The following MDN1 variants were observed in gnomAD, a reference collection of about 807,000 sequenced individuals.
The protein encoded by MDN1 is midasin.
In MDN1, 266 loss-of-function variants were observed where a neutral mutation model predicts 669.2. The ratio of observed to expected loss-of-function variants is 0.40; its 90% CI spans 0.36 to 0.44. The LOEUF (loss-of-function observed/expected upper bound fraction) is 0.44, where lower values mean the gene tolerates loss of function less well. Ranked by LOEUF, MDN1 falls within the 20% of genes least tolerant of loss-of-function variation. The probability of loss-of-function intolerance (pLI) is 1.00; values close to 1 mark genes in which losing one functional copy is unlikely to be tolerated. For synonymous variants in MDN1, 2,385 were observed against 2,457.1 expected, an observed-to-expected ratio of 0.97 and a Z score of 0.87; for missense variants, 5,940 against 6,754.0, an observed-to-expected ratio of 0.88 and a Z score of 4.22.
intron 1 of MDN1, among the ~76,000 whole-genome samples, chr6:89,805,940 C>CA (rs990690170): frequency 4.7e-5 from 7 of 149,858 alleles, no homozygotes. Context: ...CTAAAGATAC[C>CA]TTTTTTTTTT....
intron 88 of MDN1, among the ~76,000 whole-genome samples, chr6:89,659,210 C>A (rs1415810009): frequency 6.6e-6 from 1 of 152,064 alleles, no homozygotes; most frequent in Non-Finnish European, 1.5e-5. Flanking sequence ...CCATCTTTTA[C>A]AAAAAATAAA....
At chr6:89,811,787 A>C (rs2128331759) in intron 1 of MDN1, among the ~76,000 whole-genome samples, 1 of 152,080 alleles carries the variant, frequency 6.6e-6, no homozygotes, top group South Asian at 2.1e-4. Context: ...TAACATTCTT[A>C]GGAAATCCTG....
At position 89,674,546 on chromosome 6, in the gene MDN1, C is replaced by A. The variant is rs1811055428; in HGVS notation, c.12805G>T (p.Gly4269Trp). ...CVQEIHSRLM[G>W]PQAYPVAFPP... ...AAGGCCACGGGGTAGGCCTGGGGCC[C>A]CATCAGCCTGCTGTGAATCTCTTGC... Residue 4269 changes from glycine to tryptophan, a missense_variant, in exon 79 of 102, where the codon GGG becomes TGG. Gly to Trp is a radical substitution (Grantham distance 184). Around this residue, in one of 5 missense-constraint regions of MDN1, gnomAD observed 2,280 missense variants for 2,576.3 expected, o/e 0.88. Transcript: ENST00000369393. 21 of 1,595,588 alleles carry A rather than the reference C, an allele frequency of 1.3e-5. No individual in the cohort carries two copies. Among genetic ancestry groups the A allele is most frequent in the Non-Finnish European group, 1.7e-5 (20 of 1,175,410 alleles).
intron 43 of MDN1, 152 bp downstream of exon 43, chr6:89,718,214 G>T: frequency 1.1e-6 from 1 of 884,018 alleles, no homozygotes; most frequent in Non-Finnish European, 1.7e-6. Flanking sequence ...CTTTACCTCA[G>T]CTTCATTTTA....
Position 89,701,633 on chromosome 6 carries a change from A to G in MDN1, c.8352T>C (p.Cys2784=). 6.2e-7 allele frequency: 1 copy of G among 1,614,190 alleles called. No homozygotes were observed. Among genetic ancestry groups the G allele is most frequent in the Middle Eastern group, 1.6e-4 (1 of 6,062 alleles). The part of the protein sequence containing the change: ...VQTVSEHIQN[C]LGSQTGGFAG... ...CGAAGCCACCAGTCTGGCTCCCCAG[A>G]CAATTCTGAATATGTTCTGAGACAG... Residue 2784 remains cysteine (C), a synonymous_variant, in exon 55 of 102, where the codon TGT becomes TGC. Transcript: ENST00000369393.
rs1057260615 is a variant in MDN1 at position 89,681,525 on chromosome 6, A to C, written c.12103-774T>G. On this transcript the variant is annotated intron_variant, in intron 73 of 101. Coordinates refer to ENST00000369393, the MANE Select transcript of MDN1 (RefSeq NM_014611.3). ...GGAAGAGCTTTCGTCCATCAAGGGCATATTTTCATTTTTTTTTCCTTGAGG... is the reference window on the plus strand; with the variant it reads ...GGAAGAGCTTTCGTCCATCAAGGGCCTATTTTCATTTTTTTTTCCTTGAGG... 4.6e-5 allele frequency among the ~76,000 whole-genome samples: 7 copies of C among 152,154 alleles called. No individual in the cohort carries two copies. In the South Asian group the frequency reaches 1.2e-3, roughly 27 times the overall value.
chr6:89,806,285 T>C (rs1768013359), intron 1 of MDN1, among the ~76,000 whole-genome samples: 1 of 152,034 alleles, frequency 6.6e-6, no homozygotes, highest in Admixed American at 6.6e-5. Context: ...GAAAGAAACA[T>C]ATCCAAAGAA....
intron 83 of MDN1, among the ~76,000 whole-genome samples, chr6:89,669,787 G>C (rs1243486763): frequency 1.3e-5 from 2 of 152,050 alleles, no homozygotes; most frequent in Non-Finnish European, 2.9e-5. Context: ...CCCACACCAT[G>C]TTGCTGTTAG....
chr6:89,806,150 C>G (rs1023527324), intron 1 of MDN1, among the ~76,000 whole-genome samples: 8 of 152,094 alleles, frequency 5.3e-5, no homozygotes, highest in African/African-American at 1.9e-4. Flanking sequence ...GTTGCCCAGG[C>G]TGATCTCAAA....
chr6:89,815,506 C>A, intron 1 of MDN1: 1 of 266,802 alleles, frequency 3.7e-6, no homozygotes. Flanking sequence ...TACCCCTGGG[C>A]CACTGCTAAC....
chr6:89,751,354 T>G (rs764572912), intron 23 of MDN1, 77 bp downstream of exon 23: 6 of 1,540,446 alleles, frequency 3.9e-6, no homozygotes, highest in Middle Eastern at 1.7e-4. Flanking sequence ...CTTTGAAAGT[T>G]AAGGAAGTTA....
In MDN1 at chr6:89,643,810, G is replaced by A; in HGVS notation, c.*195C>T. ...GTTACGAGTTCAGGCACCTGCTGCT[G>A]CTTCCAGGTTTGGTATAAAAACCTC... On this transcript the variant is annotated 3_prime_UTR_variant, in exon 102 of 102. Coordinates refer to ENST00000369393, the MANE Select transcript of MDN1 (RefSeq NM_014611.3). 1 of 479,872 alleles carries A rather than the reference G, an allele frequency of 2.1e-6. No homozygotes were observed. The highest frequency in any genetic ancestry group is 4.3e-5 in the South Asian group (1 of 23,062). The allele number at this position is 479,872 out of a possible 1,614,324, so 29.7% of individuals were successfully genotyped here.
intron 27 of MDN1, 39 bp downstream of exon 27, chr6:89,747,290 A>T: frequency 6.3e-7 from 1 of 1,589,872 alleles, no homozygotes; most frequent in Non-Finnish European, 8.5e-7. Context: ...TTGACATTTA[A>T]CATAACTATA....
chr6:89,714,739 C>T lies in MDN1; in HGVS notation c.6873G>A (p.Ser2291=), dbSNP rs114422841. 1,324 of 1,606,298 alleles carry T rather than the reference C, an allele frequency of 8.2e-4. 4 individuals carry two copies. In the African/African-American group the frequency reaches 0.013, roughly 16 times the overall value. ...ATATATCTCCATGAACAGGATCCAT[C>T]GAGAGGAAAAGTCTAGAAAAATAGC... The part of the protein sequence containing the change: ...TPNPNFRLFL[S]MDPVHGDISR... The change falls in exon 46 of 102, where the codon TCG becomes TCA. Residue 2291 remains serine, a synonymous_variant. Transcript: ENST00000369393.
chr6:89,776,529 A>C, intron 12 of MDN1, 71 bp downstream of exon 12: 1 of 1,165,084 alleles, frequency 8.6e-7, no homozygotes, highest in South Asian at 1.4e-5. Flanking sequence ...TAAGGACTAG[A>C]GACCAGCAAG....
At chr6:89,781,295 G>C (rs1452827812) in intron 10 of MDN1, 104 bp downstream of exon 10, 1 of 1,138,106 alleles carries the variant, frequency 8.8e-7, no homozygotes, top group Non-Finnish European at 1.3e-6. Flanking sequence ...AGGTTGGAGT[G>C]AGCCAAAACT....
In MDN1 at chr6:89,644,101, GT is replaced by G; in HGVS notation, c.16694del (p.Tyr5565SerfsTer8). The G allele has an allele frequency of 6.2e-7, 1 of 1,614,072 alleles. No homozygotes were observed. Among genetic ancestry groups the G allele is most frequent in the South Asian group, 1.1e-5 (1 of 91,078 alleles). On this transcript the variant is annotated frameshift_variant, in exon 102 of 102. Coordinates refer to ENST00000369393, the MANE Select transcript of MDN1 (RefSeq NM_014611.3). LOFTEE classifies it high-confidence loss of function. ...RSYMEEFPFP[Y>X]YIILRDVNAL... The stretch of plus-strand genomic sequence containing the variant: ...CGTTTACATCTCGAAGAATGATATA[GT>G]ATGGGAATGGGAACTCTTCCATGTA...
rs1808493895 is a variant in MDN1 at position 89,646,410 on chromosome 6, A to AT, written c.16459+129dup. The AT allele has an allele frequency of 1.3e-5, 10 of 779,982 alleles. No individual in the cohort carries two copies. In the South Asian group the frequency reaches 1.8e-4, roughly 14 times the overall value. 48.3% of individuals were successfully genotyped at this position (779,982 alleles called of 1,614,324 possible). On this transcript the variant is annotated intron_variant, in intron 100 of 101. Coordinates refer to ENST00000369393, the MANE Select transcript of MDN1 (RefSeq NM_014611.3). The stretch of plus-strand genomic sequence containing the variant: ...AAATAAGTAAAAATCAGCTCCATCA[A>AT]TTTATGTCTTTTCCTGTGGAGCATA...
At position 89,751,527 on chromosome 6, in the gene MDN1, G is replaced by T. The variant is rs34764513; in HGVS notation, c.3131C>A (p.Ala1044Glu). ...RLIQVEGYWI[A>E]VGDKEPTIDE... ...TATTGTAGGCTCCTTGTCTCCCACC[G>T]CAATCCAGTAGCCTTCAACCTGGAT... The change falls in exon 23 of 102, where the codon GCG becomes GAG. Residue 1044 changes from alanine (A) to glutamate (E), a missense_variant. This residue lies in a region of MDN1 where 1,203 missense variants were observed against 1,268.9 expected (regional missense o/e 0.95). Transcript: ENST00000369393. The T allele has an allele frequency of 6.2e-7, 1 of 1,614,046 alleles. No individual in the cohort carries two copies. Among genetic ancestry groups the T allele is most frequent in the Non-Finnish European group, 8.5e-7 (1 of 1,179,980 alleles).
Sources: allele counts gnomAD v4.1 joint callset (sites outside exome capture counted in the v4.1 genomes callset), GRCh38; gene constraint gnomAD v4.1.1; regional missense constraint gnomAD v4.1.1; transcripts MANE v1.5; gene names NCBI Gene and HGNC (gene_info 2026-07-23, HGNC 2026-07-21).